CEP85L: variants seen among roughly 807,000 people sequenced by gnomAD.
CEP85L encodes the protein centrosomal protein 85L, also known as centrosomal protein of 85 kDa-like.
A neutral mutation model predicts 100.3 loss-of-function variants in CEP85L; 60 were observed. That is an observed-to-expected ratio of 0.60 (90% CI 0.49 to 0.74). The LOEUF is 0.74. Among genes scored for constraint, CEP85L ranks in the 30% least tolerant of loss-of-function variants. CEP85L has a pLI of 0.00. For missense variants in CEP85L, 973 were observed against 936.2 expected (o/e 1.04, Z -0.51); for synonymous variants, 319 against 322.7 (o/e 0.99, Z 0.12).
intron 3 of CEP85L, among the ~76,000 whole-genome samples, chr6:118,546,347 T>C (rs1485556807): frequency 6.6e-6 from 1 of 152,146 alleles, no homozygotes; most frequent in Non-Finnish European, 1.5e-5. Flanking sequence ...CTTATAAACA[T>C]GTGGTAACTA....
chr6:118,516,644 C>T (rs1266608615), intron 4 of CEP85L, among the ~76,000 whole-genome samples: 3 of 151,966 alleles, frequency 2.0e-5, no homozygotes, highest in Non-Finnish European at 4.4e-5. Flanking sequence ...TTCTGGATAT[C>T]AGCCCTTTGT....
At chr6:118,467,774 T>C (rs144752376) in intron 12 of CEP85L, among the ~76,000 whole-genome samples, 3 of 152,278 alleles carry the variant, frequency 2.0e-5, no homozygotes, top group African/African-American at 7.2e-5. Flanking sequence ...TCCCAAGAGA[T>C]ATTAAAGCAC....
intron 3 of CEP85L, among the ~76,000 whole-genome samples, chr6:118,557,759 G>A (rs1778962816): frequency 6.6e-6 from 1 of 152,148 alleles, no homozygotes; most frequent in Admixed American, 6.5e-5. Flanking sequence ...TAAAGTCTAC[G>A]GTGATCATAC....
At chr6:118,598,038 G>C (rs926562306) in intron 2 of CEP85L, among the ~76,000 whole-genome samples, 3 of 152,194 alleles carry the variant, frequency 2.0e-5, no homozygotes, top group African/African-American at 7.2e-5. Context: ...AAATTTTTGA[G>C]AAGTCATGAC....
Position 118,651,227 on chromosome 6 carries a change from T to C in CEP85L, c.43A>G (p.Ser15Gly). The change falls in exon 1 of 13, where the codon AGC becomes GGC. Residue 15 changes from serine to glycine, a missense_variant. Coordinates refer to ENST00000368491, the MANE Select transcript of CEP85L (RefSeq NM_001042475.3). ...GGGAAGCTGCGGGCTCCGCCGGGGCTATCCCGGCCGCTGGCCTCCGGAGCC... is the reference window on the plus strand; with the variant it reads ...GGGAAGCTGCGGGCTCCGCCGGGGCCATCCCGGCCGCTGGCCTCCGGAGCC... ...FLAPEASGRD[S>G]PGGARSFPAG... is the part of the protein sequence containing the mutation. The C allele has an allele frequency of 6.7e-7, 1 of 1,496,062 alleles. No individual in the cohort carries two copies. The highest frequency in any genetic ancestry group is 1.2e-5 in the South Asian group (1 of 80,134). The allele number at this position is 1,496,062 out of a possible 1,614,324, so 92.7% of individuals were successfully genotyped here.
intron 2 of CEP85L, among the ~76,000 whole-genome samples, chr6:118,579,005 C>G (rs1780409518): frequency 6.6e-6 from 1 of 152,100 alleles, no homozygotes; most frequent in South Asian, 2.1e-4. Flanking sequence ...TAGAAATACT[C>G]CCATCTCAGC....
At chr6:118,647,496 G>T (rs191370977) in intron 1 of CEP85L, among the ~76,000 whole-genome samples, 3 of 152,184 alleles carry the variant, frequency 2.0e-5, no homozygotes, top group Admixed American at 2.0e-4. Context: ...TGAGTAGCTG[G>T]GATTACAGGC....
intron 2 of CEP85L, among the ~76,000 whole-genome samples, chr6:118,577,864 T>C (rs1241075114): frequency 1.3e-5 from 2 of 152,196 alleles, no homozygotes; most frequent in Non-Finnish European, 2.9e-5. Context: ...TTGCAATTAT[T>C]ATAGGTGTAC....
intron 2 of CEP85L, among the ~76,000 whole-genome samples, chr6:118,618,197 A>G (rs2115263688): frequency 6.6e-6 from 1 of 152,346 alleles, no homozygotes; most frequent in Non-Finnish European, 1.5e-5. Flanking sequence ...AGACAGCCAC[A>G]TCTTCTGACT....
intron 1 of CEP85L, among the ~76,000 whole-genome samples, chr6:118,690,267 G>A (rs1250997410): frequency 6.6e-6 from 1 of 152,086 alleles, no homozygotes; most frequent in Admixed American, 6.6e-5. Context: ...CTGACTTGTA[G>A]ACCATATCAA....
chr6:118,522,098 C>T (rs1409021044), intron 4 of CEP85L, among the ~76,000 whole-genome samples: 1 of 152,064 alleles, frequency 6.6e-6, no homozygotes, highest in African/African-American at 2.4e-5. Context: ...TGGTGGCTCA[C>T]ACCTGTAATC....
At chr6:118,567,235 GTGTGTGTGTGTGTGTATATA>G (rs1420818397) in intron 2 of CEP85L, among the ~76,000 whole-genome samples, 98 of 83,582 alleles carry the variant, frequency 1.2e-3, no homozygotes, top group South Asian at 2.9e-3. Context: ...GTGTGTGTGT[GTGTGTGTGTGTGTGTATATA>G]TATATATATA....
At chr6:118,616,140 G>C (rs1773028150) in intron 2 of CEP85L, among the ~76,000 whole-genome samples, 1 of 152,114 alleles carries the variant, frequency 6.6e-6, no homozygotes, top group Non-Finnish European at 1.5e-5. Context: ...TCTTCAAGAT[G>C]TAGAACCAGG....
intron 2 of CEP85L, among the ~76,000 whole-genome samples, chr6:118,598,838 C>CACATATACTGGGGACTG (rs1259478692): frequency 6.6e-6 from 1 of 152,128 alleles, no homozygotes; most frequent in Admixed American, 6.5e-5. Flanking sequence ...CTGCTTTATA[C>CACATATACTGGGGACTG]ACATATACTG....
Position 118,610,180 on chromosome 6 carries a change from T to G in CEP85L, c.232+22273A>C, listed in dbSNP as rs553765331. On this transcript the variant is annotated intron_variant, in intron 2 of 12. Transcript: ENST00000368491. ...CAAAGAAGTCAGAAATTATTCAAGG[T>G]TGTACAGATAACTATAATAAGTAAT... is the stretch of plus-strand genomic sequence containing the variant. Among the ~76,000 whole-genome samples the G allele has an allele frequency of 3.3e-5, 5 of 152,232 alleles. No individual in the cohort carries two copies. The South Asian group carries it at 8.3e-4, about 25-fold the overall frequency.
intron 1 of CEP85L, among the ~76,000 whole-genome samples, chr6:118,699,167 C>A (rs894079932): frequency 3.9e-5 from 6 of 152,162 alleles, no homozygotes; most frequent in African/African-American, 1.4e-4. Context: ...AGAAGGGCAC[C>A]ATGGGCCAGG....
At chr6:118,586,316 T>G (rs77769435) in intron 2 of CEP85L, among the ~76,000 whole-genome samples, 5 of 152,340 alleles carry the variant, frequency 3.3e-5, no homozygotes, top group Non-Finnish European at 7.3e-5. Flanking sequence ...CAATGATTTT[T>G]CTATTAGATC....
chr6:118,623,440 C>T (rs2115285259), intron 2 of CEP85L, among the ~76,000 whole-genome samples: 1 of 152,248 alleles, frequency 6.6e-6, no homozygotes, highest in African/African-American at 2.4e-5. Flanking sequence ...CGGACTTCCC[C>T]CAAAGCTTAC....
chr6:118,623,826 G>T (rs1490074637), intron 2 of CEP85L, among the ~76,000 whole-genome samples: 2 of 152,172 alleles, frequency 1.3e-5, no homozygotes, highest in African/African-American at 2.4e-5. Flanking sequence ...TACCCAAAGG[G>T]TATGACAGGA....
Sources: gnomAD v4.1 joint callset for allele counts (sites outside exome capture counted in the v4.1 genomes callset) on GRCh38, gnomAD v4.1.1 for gene constraint, MANE v1.5 for transcripts, NCBI Gene and HGNC (gene_info 2026-07-23, HGNC 2026-07-21) for gene names.